RNLS: variants seen among roughly 807,000 people sequenced by gnomAD.
RNLS encodes renalase, FAD dependent amine oxidase.
In RNLS, 39 loss-of-function variants were observed where a neutral mutation model predicts 39.8. The ratio of observed to expected loss-of-function variants is 0.98; its 90% CI spans 0.76 to 1.28. RNLS has a LOEUF of 1.28. Ranked by LOEUF, RNLS falls within the 50% of genes most tolerant of loss-of-function variation. The pLI, the probability that RNLS is intolerant of heterozygous loss-of-function variation, is 0.00. For missense variants in RNLS, 410 were observed against 413.3 expected, an observed-to-expected ratio of 0.99 and a Z score of 0.07; for synonymous variants, 147 against 150.7, an observed-to-expected ratio of 0.98 and a Z score of 0.18.
In RNLS at chr10:88,507,452, C is replaced by T. The variant is rs185511037; in HGVS notation, c.526+65451G>A. Among the ~76,000 whole-genome samples the T allele has an allele frequency of 2.6e-5, 4 of 152,118 alleles. No homozygotes were observed. The East Asian group carries it at 7.7e-4, about 29-fold the overall frequency. ...AAGGTAATGCTAATAAAGTATTAAACCTTTCCTTTCACAATCATTTGTTCT... is the reference window on the plus strand; with the variant it reads ...AAGGTAATGCTAATAAAGTATTAAATCTTTCCTTTCACAATCATTTGTTCT... On this transcript the variant is annotated intron_variant, in intron 4 of 6. Coordinates refer to ENST00000331772, the MANE Select transcript of RNLS (RefSeq NM_001031709.3).
chr10:88,201,061 T>C, the RNLS span, among the ~76,000 whole-genome samples: 1 of 152,056 alleles, frequency 6.6e-6, no homozygotes, highest in Admixed American at 6.5e-5. Flanking sequence ...AGTGTCTTCA[T>C]GTCCCTGACC....
chr10:88,417,781 A>T (rs1854127746), intron 4 of RNLS, among the ~76,000 whole-genome samples: 1 of 152,222 alleles, frequency 6.6e-6, no homozygotes, highest in Non-Finnish European at 1.5e-5. Context: ...GGACATCAGC[A>T]AGTTATTTTC....
intron 4 of RNLS, among the ~76,000 whole-genome samples, chr10:88,442,823 G>A (rs78303936): frequency 0.032 from 4,842 of 152,068 alleles, 103 homozygotes; most frequent in Non-Finnish European, 0.053. Flanking sequence ...ATGTTAGCTC[G>A]TATCAGTACT....
At chr10:88,229,514 A>G in the RNLS span, among the ~76,000 whole-genome samples, 12 of 152,318 alleles carry the variant, frequency 7.9e-5, no homozygotes, top group African/African-American at 2.9e-4. Context: ...CTTCATTGAG[A>G]TACAGTTTAC....
intron 6 of RNLS, among the ~76,000 whole-genome samples, chr10:88,312,999 C>T (rs1485075547): frequency 3.9e-5 from 6 of 152,144 alleles, no homozygotes; most frequent in Admixed American, 3.9e-4. Flanking sequence ...CCAATGTAGA[C>T]TTCATGACTT....
the RNLS span, among the ~76,000 whole-genome samples, chr10:88,263,116 T>C: frequency 6.6e-6 from 1 of 152,050 alleles, no homozygotes; most frequent in Non-Finnish European, 1.5e-5. Context: ...GTAGTAAGTG[T>C]AATAATAATA....
the RNLS span, among the ~76,000 whole-genome samples, chr10:88,233,522 A>G: frequency 6.6e-6 from 1 of 152,218 alleles, no homozygotes; most frequent in Non-Finnish European, 1.5e-5. Context: ...TGACAAAATA[A>G]AAGATGACCA....
intron 4 of RNLS, among the ~76,000 whole-genome samples, chr10:88,441,658 G>C (rs1232323523): frequency 1.3e-5 from 2 of 152,146 alleles, no homozygotes; most frequent in Admixed American, 6.5e-5. Context: ...TAGCAGTGAG[G>C]GCTGCCTTTC....
the RNLS span, among the ~76,000 whole-genome samples, chr10:88,188,745 A>T: frequency 6.6e-6 from 1 of 152,230 alleles, no homozygotes; most frequent in Non-Finnish European, 1.5e-5. Context: ...ACAAGACTAC[A>T]GTCACCAGCT....
At chr10:88,522,261 A>C (rs775382451) in intron 4 of RNLS, among the ~76,000 whole-genome samples, 1 of 152,130 alleles carries the variant, frequency 6.6e-6, no homozygotes, top group Non-Finnish European at 1.5e-5. Flanking sequence ...TGTTGAAGAA[A>C]TAAATGACTG....
intron 6 of RNLS, among the ~76,000 whole-genome samples, chr10:88,291,518 C>T (rs1410099646): frequency 6.6e-6 from 1 of 152,154 alleles, no homozygotes; most frequent in Admixed American, 6.5e-5. Flanking sequence ...CATCACTAAT[C>T]AATTGTGGCA....
At chr10:88,202,427 A>C in the RNLS span, among the ~76,000 whole-genome samples, 1 of 152,072 alleles carries the variant, frequency 6.6e-6, no homozygotes, top group Non-Finnish European at 1.5e-5. Flanking sequence ...GTGCACATGT[A>C]CCCTAAAACT....
intron 4 of RNLS, among the ~76,000 whole-genome samples, chr10:88,535,804 G>C (rs186905169): frequency 6.6e-6 from 1 of 152,074 alleles, no homozygotes; most frequent in African/African-American, 2.4e-5. Context: ...ACCACAGCTA[G>C]GATTCTAGGG....
intron 4 of RNLS, among the ~76,000 whole-genome samples, chr10:88,543,442 A>G (rs1848146030): frequency 6.6e-6 from 1 of 152,166 alleles, no homozygotes. Context: ...CTTTTTCAGT[A>G]ACTTCTTAAC....
intron 4 of RNLS, among the ~76,000 whole-genome samples, chr10:88,546,248 T>C (rs1177562225): frequency 6.6e-6 from 1 of 152,060 alleles, no homozygotes; most frequent in Non-Finnish European, 1.5e-5. Context: ...TAAATATATA[T>C]AGCTCCATAT....
intron 4 of RNLS, among the ~76,000 whole-genome samples, chr10:88,462,259 C>T (rs1467370488): frequency 2.0e-5 from 3 of 151,876 alleles, no homozygotes; most frequent in Non-Finnish European, 4.4e-5. Context: ...ATTTCTGAGG[C>T]ACATGAGATA....
the RNLS span, among the ~76,000 whole-genome samples, chr10:88,256,705 A>C: frequency 6.6e-6 from 1 of 152,160 alleles, no homozygotes; most frequent in African/African-American, 2.4e-5. Context: ...GCTTTTTAAA[A>C]ACAGGCACAA....
At chr10:88,453,298 T>C (rs1314310410) in intron 4 of RNLS, among the ~76,000 whole-genome samples, 2 of 152,240 alleles carry the variant, frequency 1.3e-5, no homozygotes, top group Non-Finnish European at 2.9e-5. Flanking sequence ...GGGTCATATG[T>C]TCAGCTCAAG....
intron 5 of RNLS, among the ~76,000 whole-genome samples, chr10:88,320,451 A>G (rs979612131): frequency 6.6e-6 from 1 of 150,418 alleles, no homozygotes; most frequent in African/African-American, 2.5e-5. Flanking sequence ...TATCAATATT[A>G]ACCTTGAACA....
Sources: allele counts gnomAD v4.1 joint callset (sites outside exome capture counted in the v4.1 genomes callset), GRCh38; gene constraint gnomAD v4.1.1; transcripts MANE v1.5; gene names NCBI Gene and HGNC (gene_info 2026-07-23, HGNC 2026-07-21).